The following ADGRL3 variants were observed in gnomAD, a reference collection of about 807,000 sequenced individuals.
ADGRL3 encodes adhesion G protein-coupled receptor L3.
Under a neutral mutation model 153.5 loss-of-function variants are expected in ADGRL3, and 62 were observed. The observed-to-expected ratio is 0.40, with a 90% confidence interval of 0.33 to 0.50. The LOEUF (loss-of-function observed/expected upper bound fraction) is 0.50, where lower values mean the gene tolerates loss of function less well. Ranked by LOEUF, ADGRL3 falls within the 20% of genes least tolerant of loss-of-function variation. The probability of loss-of-function intolerance (pLI) is 0.47; values close to 1 mark genes in which losing one functional copy is unlikely to be tolerated. For synonymous variants in ADGRL3, 710 were observed against 672.5 expected (o/e 1.06, Z -0.86); for missense variants, 1,641 against 1,859.4 (o/e 0.88, Z 2.16).
intron 4 of ADGRL3, among the ~76,000 whole-genome samples, chr4:61,562,460 AG>A (rs2098799168): frequency 6.6e-6 from 1 of 152,230 alleles, no homozygotes; most frequent in South Asian, 2.1e-4. Context: ...TCAAAATTGA[AG>A]TCAGTCCTCT....
At chr4:61,850,603 T>TA (rs2098190739) in intron 9 of ADGRL3, among the ~76,000 whole-genome samples, 1 of 152,128 alleles carries the variant, frequency 6.6e-6, no homozygotes, top group African/African-American at 2.4e-5. Flanking sequence ...TTATGACATA[T>TA]AAAACGACAG....
intron 4 of ADGRL3, among the ~76,000 whole-genome samples, chr4:61,565,302 G>A (rs912196454): frequency 1.4e-4 from 21 of 151,976 alleles, no homozygotes; most frequent in Admixed American, 1.1e-3. Context: ...ACTCAGGCTC[G>A]CCTTCTTGAA....
chr4:61,537,727 G>A (rs1470636945), intron 4 of ADGRL3, among the ~76,000 whole-genome samples: 1 of 152,092 alleles, frequency 6.6e-6, no homozygotes, highest in South Asian at 2.1e-4. Flanking sequence ...TCTGTATAGA[G>A]AGAGACATTT....
Position 61,601,589 on chromosome 4 carries a change from T to A in ADGRL3, c.473+14149T>A, listed in dbSNP as rs539401472. Among the ~76,000 whole-genome samples the A allele has an allele frequency of 8.3e-4, 126 of 152,264 alleles. 1 individual carries two copies. The highest frequency in any genetic ancestry group is 2.8e-3 in the African/African-American group (118 of 41,572). Reference sequence around the variant, plus strand: ...ACCATGATTGGAAATAAATTATCATTTTTTCCTACAGTTTTCAGAACCTAG... The same window carrying A: ...ACCATGATTGGAAATAAATTATCATATTTTCCTACAGTTTTCAGAACCTAG... On this transcript the variant is annotated intron_variant, in intron 5 of 26. Transcript: ENST00000683033.
At chr4:61,259,575 C>T (rs2092341154) in intron 1 of ADGRL3, among the ~76,000 whole-genome samples, 1 of 152,114 alleles carries the variant, frequency 6.6e-6, no homozygotes, top group Admixed American at 6.5e-5. Context: ...CTAGGGTTTT[C>T]ACTTTTATCC....
chr4:61,796,444 A>G (rs2097413278), intron 8 of ADGRL3, among the ~76,000 whole-genome samples: 1 of 152,150 alleles, frequency 6.6e-6, no homozygotes, highest in Non-Finnish European at 1.5e-5. Flanking sequence ...TAGATCAAAG[A>G]TAAAGGAACC....
chr4:61,631,779 CTT>C (rs555255982), intron 5 of ADGRL3, among the ~76,000 whole-genome samples: 1 of 150,644 alleles, frequency 6.6e-6, no homozygotes, highest in Non-Finnish European at 1.5e-5. Flanking sequence ...TTTTTCTTTT[CTT>C]TTTTTTCTTT....
rs370810089 is a variant in ADGRL3, at chr4:61,547,718, C to G, written c.259+30200C>G. ...TGAATACTGCTGCAGTGAATATACA[C>G]ATGAATGTCTTTTTACAGTAGAACA... is the stretch of plus-strand genomic sequence containing the variant. On this transcript the variant is annotated intron_variant, in intron 4 of 26. Coordinates refer to ENST00000683033, the MANE Select transcript of ADGRL3 (RefSeq NM_001387552.1). 7.9e-5 allele frequency among the ~76,000 whole-genome samples: 12 copies of G among 152,166 alleles called. No individual in the cohort carries two copies. In the South Asian group the frequency reaches 2.5e-3, roughly 32 times the overall value.
At chr4:61,253,659 A>G (rs1282177694) in intron 1 of ADGRL3, among the ~76,000 whole-genome samples, 1 of 151,124 alleles carries the variant, frequency 6.6e-6, no homozygotes, top group African/African-American at 2.4e-5. Context: ...CTATTTTGTA[A>G]TATGTGCACA....
At chr4:61,823,287 A>C (rs1242892792) in intron 9 of ADGRL3, among the ~76,000 whole-genome samples, 4 of 152,218 alleles carry the variant, frequency 2.6e-5, no homozygotes, top group Admixed American at 2.6e-4. Flanking sequence ...TAATGTCTAA[A>C]TATCACAAGT....
At chr4:62,013,401 G>A (rs969420457) in intron 21 of ADGRL3, among the ~76,000 whole-genome samples, 1 of 151,952 alleles carries the variant, frequency 6.6e-6, no homozygotes, top group Non-Finnish European at 1.5e-5. Flanking sequence ...AATTAGCCAG[G>A]CATGGTGGCA....
rs183468799 is a variant in ADGRL3, at chr4:61,608,031, C to T, written c.473+20591C>T. On this transcript the variant is annotated intron_variant, in intron 5 of 26. Transcript: ENST00000683033. ...AGGTAGTTTCATTGTTAATTGGATT[C>T]AGACCGTGAGAAAAGAAAAAAGAAC... is the stretch of plus-strand genomic sequence containing the variant. Among the ~76,000 whole-genome samples the T allele has an allele frequency of 2.6e-3, 389 of 152,284 alleles. 1 individual carries two copies. The highest frequency in any genetic ancestry group is 8.7e-3 in the African/African-American group (360 of 41,550).
chr4:61,824,476 T>C (rs964512500), intron 9 of ADGRL3, among the ~76,000 whole-genome samples: 4 of 152,214 alleles, frequency 2.6e-5, no homozygotes, highest in African/African-American at 9.6e-5. Context: ...ATGTTTTCAA[T>C]ATTCTCTTCC....
intron 1 of ADGRL3, among the ~76,000 whole-genome samples, chr4:61,370,432 T>C (rs1015711975): frequency 2.0e-5 from 3 of 151,858 alleles, no homozygotes; most frequent in African/African-American, 7.3e-5. Flanking sequence ...ATGTTGTGTC[T>C]TTGTTCTCGT....
At chr4:61,623,382 A>AT (rs530953677) in intron 5 of ADGRL3, among the ~76,000 whole-genome samples, 10 of 151,846 alleles carry the variant, frequency 6.6e-5, no homozygotes, top group African/African-American at 2.2e-4. Flanking sequence ...CTTATCTTTA[A>AT]TTTTTTTTAA....
intron 5 of ADGRL3, among the ~76,000 whole-genome samples, chr4:61,625,028 C>A (rs2092750487): frequency 6.6e-6 from 1 of 151,694 alleles, no homozygotes. Context: ...GAAAAATTGC[C>A]TAGATAATGA....
chr4:61,779,865 G>A (rs529000614), intron 8 of ADGRL3, among the ~76,000 whole-genome samples: 5 of 151,988 alleles, frequency 3.3e-5, no homozygotes, highest in Non-Finnish European at 7.4e-5. Context: ...AATGCAAGGA[G>A]GCTATATAAA....
intron 1 of ADGRL3, among the ~76,000 whole-genome samples, chr4:61,377,266 A>G (rs558834544): frequency 6.6e-6 from 1 of 152,066 alleles, no homozygotes; most frequent in South Asian, 2.1e-4. Context: ...TAGTCACCAC[A>G]ATATATTTCT....
chr4:61,908,623 A>AT (rs1198728695), intron 11 of ADGRL3, among the ~76,000 whole-genome samples: 97 of 151,906 alleles, frequency 6.4e-4, no homozygotes, highest in African/African-American at 2.0e-3. Flanking sequence ...AAAAAAAAAA[A>AT]AGTCTCTGGA....
Sources: allele counts gnomAD v4.1 joint callset (sites outside exome capture counted in the v4.1 genomes callset), GRCh38; gene constraint gnomAD v4.1.1; transcripts MANE v1.5; gene names NCBI Gene and HGNC (gene_info 2026-07-23, HGNC 2026-07-21).